Variants in HAND1 observed in about 807,000 individuals in gnomAD.
HAND1 encodes heart- and neural crest derivatives-expressed protein 1.
In HAND1, 10 loss-of-function variants were observed where a neutral mutation model predicts 14.5. The ratio of observed to expected loss-of-function variants is 0.69; its 90% CI spans 0.42 to 1.17. The LOEUF is 1.17. HAND1 is among the 50% of genes most tolerant of loss of function. The pLI is 0.00. For missense variants in HAND1, 299 were observed against 298.4 expected (o/e 1.00, Z -0.01); for synonymous variants, 128 against 127.1 (o/e 1.01, Z -0.05).
In HAND1 at chr5:154,477,619, G is replaced by A. The variant is rs1193145369; in HGVS notation, c.390C>T (p.Leu130=). 3 of 1,614,258 alleles carry A rather than the reference G, an allele frequency of 1.9e-6. No individual in the cohort carries two copies. The highest frequency in any genetic ancestry group is 1.7e-5 in the Admixed American group (1 of 60,036). ...CIPNVPADTK[L]SKIKTLRLAT... ...CTAGGCGCAGAGTCTTGATCTTGGA[G>A]AGCTTGGTGTCGGCCGGCACGTTGG... Residue 130 remains leucine, a synonymous_variant, in exon 1 of 2, where the codon CTC becomes CTT. Coordinates refer to ENST00000231121, the MANE Select transcript of HAND1 (RefSeq NM_004821.3).
At position 154,477,510 on chromosome 5, in the gene HAND1, T is replaced by G. The variant is rs1240546642; in HGVS notation, c.499A>C (p.Lys167Gln). The change falls in exon 1 of 2, where the codon AAG becomes CAG. Residue 167 changes from lysine to glutamine, a missense_variant. Physicochemically the swap from Lys to Gln is moderately conservative, Grantham distance 53. Coordinates refer to ENST00000231121, the MANE Select transcript of HAND1 (RefSeq NM_004821.3). ...GDPEAFKAEL[K>Q]KADGGRESKR... The stretch of plus-strand genomic sequence containing the variant: ...CTCTCACGGCCGCCATCCGCCTTCT[T>G]GAGTTCAGCCTTGAAGGCCTCGGGA... The G allele has an allele frequency of 6.2e-7, 1 of 1,614,140 alleles. No homozygotes were observed. Among genetic ancestry groups the G allele is most frequent in the South Asian group, 1.1e-5 (1 of 91,080 alleles).
Position 154,475,739 on chromosome 5 carries a change from T to A in HAND1, c.*67A>T, listed in dbSNP as rs1757530471. On this transcript the variant is annotated 3_prime_UTR_variant, in exon 2 of 2. Transcript: ENST00000231121. Reference sequence around the variant, plus strand: ...GAGCCCAGAGCCTGGCGTTCGCCGCTGCCTTCCTCTCCTCCCGGGGCTTCA... The same window carrying A: ...GAGCCCAGAGCCTGGCGTTCGCCGCAGCCTTCCTCTCCTCCCGGGGCTTCA... The A allele has an allele frequency of 8.6e-7, 1 of 1,167,884 alleles. No homozygotes were observed. The highest frequency in any genetic ancestry group is 1.3e-6 in the Non-Finnish European group (1 of 776,796). 72.3% of individuals were successfully genotyped at this position (1,167,884 alleles called of 1,614,324 possible). A position where few individuals can be genotyped will look rare whatever the true frequency, so the allele number is the denominator to read the frequency against.
In HAND1 at chr5:154,477,538, G is replaced by T. The variant is rs763611267; in HGVS notation, c.471C>A (p.Gly157=). ...GTTCAGCCTTGAAGGCCTCGGGATC[G>T]CCAGACTGTGCATCCTTGGCCAGCA... ...MDVLAKDAQS[G]DPEAFKAELK... The change falls in exon 1 of 2, where the codon GGC becomes GGA. Residue 157 remains glycine, a synonymous_variant. Transcript: ENST00000231121. 1.2e-6 allele frequency: 2 copies of T among 1,614,184 alleles called. No individual in the cohort carries two copies. Among genetic ancestry groups the T allele is most frequent in the South Asian group, 1.1e-5 (1 of 91,080 alleles).
rs1757532262 is a variant in HAND1 at position 154,475,827 on chromosome 5, C to T, written c.627G>A (p.Trp209Ter). Reference sequence around the variant, plus strand: ...CGGCTCACTGGTTTAACTCCAGCGCCCAGACTTGCTGCGGCCAGCCGGTGC... The same window carrying T: ...CGGCTCACTGGTTTAACTCCAGCGCTCAGACTTGCTGCGGCCAGCCGGTGC... ...KGRTGWPQQV[W>*]ALELNQ The change falls in exon 2 of 2, where the codon TGG becomes TGA. Residue 209 changes from tryptophan (W) to a stop codon, truncating the protein, a stop_gained. Transcript: ENST00000231121. LOFTEE classifies it high-confidence loss of function. The T allele has an allele frequency of 6.2e-7, 1 of 1,613,560 alleles. No individual in the cohort carries two copies. Among genetic ancestry groups the T allele is most frequent in the Non-Finnish European group, 8.5e-7 (1 of 1,179,672 alleles).
At chr5:154,476,494 T>G (rs995819060) in intron 1 of HAND1, among the ~76,000 whole-genome samples, 2 of 152,148 alleles carry the variant, frequency 1.3e-5, no homozygotes, top group African/African-American at 4.8e-5. Flanking sequence ...CAATAACAAC[T>G]TCTTTCGAGG....
chr5:154,476,538 C>A (rs1264556294), intron 1 of HAND1, among the ~76,000 whole-genome samples: 1 of 152,222 alleles, frequency 6.6e-6, no homozygotes, highest in Non-Finnish European at 1.5e-5. Context: ...CCTGCACCAT[C>A]CCCAGTCCGG....
chr5:154,477,798 C>G lies in HAND1; in HGVS notation c.211G>C (p.Ala71Pro). 6.3e-7 allele frequency: 1 copy of G among 1,586,304 alleles called. No individual in the cohort carries two copies. The highest frequency in any genetic ancestry group is 1.1e-5 in the South Asian group (1 of 90,046). ...CCAGGCCTGGCGTCAGGACCATAGGCGGTGGCGGCTGCAGCGGCCGCGGGC... is the reference window on the plus strand; with the variant it reads ...CCAGGCCTGGCGTCAGGACCATAGGGGGTGGCGGCTGCAGCGGCCGCGGGC... Reference protein sequence around the residue: ...PPPAAAAAATAYGPDARPGQS... With the variant: ...PPPAAAAAATPYGPDARPGQS... Residue 71 changes from alanine to proline, a missense_variant, in exon 1 of 2, where the codon GCC (alanine) becomes CCC (proline). By Grantham distance (27) the Ala-to-Pro change is conservative (BLOSUM62 -1). Transcript: ENST00000231121.
rs889395231 is a variant in HAND1, at chr5:154,475,619, A to G, written c.*187T>C. 8.1e-6 allele frequency: 5 copies of G among 614,896 alleles called. No homozygotes were observed. The highest frequency in any genetic ancestry group is 5.6e-5 in the African/African-American group (3 of 53,906). The allele number at this position is 614,896 out of a possible 1,614,324, so 38.1% of individuals were successfully genotyped here. ...TCTCTTAATGTATTAAAAAAAATCA[A>G]AGGACATTGCACGTGCGATCCAAGT... On this transcript the variant is annotated 3_prime_UTR_variant, in exon 2 of 2. Transcript: ENST00000231121.
intron 1 of HAND1, among the ~76,000 whole-genome samples, chr5:154,476,276 A>T (rs1407137779): frequency 2.0e-5 from 3 of 152,124 alleles, no homozygotes; most frequent in Non-Finnish European, 4.4e-5. Context: ...GCTGCACCCC[A>T]CACACTTCCG....
chr5:154,478,089 G>T lies in HAND1; in HGVS notation c.-81C>A. On this transcript the variant is annotated 5_prime_UTR_variant, in exon 1 of 2. Transcript: ENST00000231121. The surrounding 1 kb of genome is among the most constrained non-coding windows in gnomAD (Gnocchi z 4.5). ...CCAGAGACTGCCGGGGGCCACCTGT[G>T]GGCTCTGGAGCCACTACTGGGCGCC... 4 of 1,525,514 alleles carry T rather than the reference G, an allele frequency of 2.6e-6. No homozygotes were observed. The highest frequency in any genetic ancestry group is 3.6e-6 in the Non-Finnish European group (4 of 1,118,762). The allele number at this position is 1,525,514 out of a possible 1,614,324, so 94.5% of individuals were successfully genotyped here.
In HAND1 at chr5:154,477,981, G is replaced by A; in HGVS notation, c.28C>T (p.His10Tyr). The A allele has an allele frequency of 6.3e-7, 1 of 1,598,178 alleles. No homozygotes were observed. Among genetic ancestry groups the A allele is most frequent in the Non-Finnish European group, 8.5e-7 (1 of 1,179,888 alleles). Residue 10 changes from histidine to tyrosine, a missense_variant, in exon 1 of 2, where the codon CAT becomes TAT. Physicochemically the swap from His to Tyr is moderately conservative, Grantham distance 83. Transcript: ENST00000231121. ...GGGTGCGGGTGGTGATGGTGGTGAT[G>A]GTGTGCGTAGCTGCCCACGAGGTTC... The part of the protein sequence containing the change: MNLVGSYAH[H>Y]HHHHHPHPAH...
chr5:154,477,836 G>C lies in HAND1; in HGVS notation c.173C>G (p.Ala58Gly), dbSNP rs201496181. Residue 58 changes from alanine (A) to glycine (G), a missense_variant, in exon 1 of 2, where the codon GCG becomes GGG. Physicochemically the swap from Ala to Gly is moderately conservative, Grantham distance 60. Coordinates refer to ENST00000231121, the MANE Select transcript of HAND1 (RefSeq NM_004821.3). ...SPADAAPDFP[A>G]GGPPPAAAAA... is the part of the protein sequence containing the mutation. ...AGCGGCCGCGGGCGGCGGCCCGCCCGCAGGGAAGTCCGGGGCAGCGTCAGC... is the reference window on the plus strand; with the variant it reads ...AGCGGCCGCGGGCGGCGGCCCGCCCCCAGGGAAGTCCGGGGCAGCGTCAGC... 2 of 1,599,768 alleles carry C rather than the reference G, an allele frequency of 1.3e-6. No individual in the cohort carries two copies. The highest frequency in any genetic ancestry group is 2.2e-5 in the South Asian group (2 of 90,988).
intron 1 of HAND1, 76 bp from the exon 2 acceptor site, chr5:154,475,986 G>T: frequency 9.4e-7 from 1 of 1,067,246 alleles, no homozygotes; most frequent in Non-Finnish European, 1.4e-6. Flanking sequence ...CCCGGCATGG[G>T]GTAAGATGAG....
At chr5:154,477,422 CG>C (rs2113302820) in intron 1 of HAND1, 43 bp downstream of exon 1, 1 of 1,486,450 alleles carries the variant, frequency 6.7e-7, no homozygotes, top group East Asian at 2.3e-5. Flanking sequence ...GGCTGCTCAC[CG>C]CTCCTGCACC....
rs556045294 is a variant in HAND1 at position 154,477,682 on chromosome 5, G to A, written c.327C>T (p.Ser109=). 9 of 1,614,220 alleles carry A rather than the reference G, an allele frequency of 5.6e-6. No homozygotes were observed. In the African/African-American group the frequency reaches 6.7e-5, roughly 12 times the overall value. The change falls in exon 1 of 2, where the codon AGC becomes AGT. Residue 109 remains serine, a synonymous_variant. Coordinates refer to ENST00000231121, the MANE Select transcript of HAND1 (RefSeq NM_004821.3). ...GPKKERRRTE[S]INSAFAELRE... ...GCAACTCCGCGAATGCGCTGTTAAT[G>A]CTCTCAGTGCGTCTCCGCTCCTTCT...
Position 154,477,972 on chromosome 5 carries a change from G to A in HAND1, c.37C>T (p.His13Tyr), listed in dbSNP as rs769999347. ...LVGSYAHHHH[H>Y]HHPHPAHPML... ...GGGTGCGCAGGGTGCGGGTGGTGAT[G>A]GTGGTGATGGTGTGCGTAGCTGCCC... Residue 13 changes from histidine to tyrosine, a missense_variant, in exon 1 of 2, where the codon CAT becomes TAT. By Grantham distance (83) the His-to-Tyr change is moderately conservative. Coordinates refer to ENST00000231121, the MANE Select transcript of HAND1 (RefSeq NM_004821.3). 3.1e-6 allele frequency: 5 copies of A among 1,598,268 alleles called. No individual in the cohort carries two copies. The Admixed American group carries it at 8.3e-5, about 27-fold the overall frequency.
rs1311405094 is a variant in HAND1 at position 154,478,181 on chromosome 5, T to C, written c.-173A>G. 1 of 697,462 alleles carries C rather than the reference T, an allele frequency of 1.4e-6. No homozygotes were observed. Among genetic ancestry groups the C allele is most frequent in the Non-Finnish European group, 2.4e-6 (1 of 421,660 alleles). 43.2% of individuals were successfully genotyped at this position (697,462 alleles called of 1,614,324 possible). ...AGCCCACTGTCTTCTTACCGGTTTC[T>C]GCCGCGGGCGAGGTCGCCGAAGCCC... On this transcript the variant is annotated 5_prime_UTR_variant, in exon 1 of 2. Coordinates refer to ENST00000231121, the MANE Select transcript of HAND1 (RefSeq NM_004821.3). This position sits in a 1 kb window ranked among gnomAD's most constrained non-coding sequence, Gnocchi z 4.5.
chr5:154,475,966 G>C (rs1392957177), intron 1 of HAND1, 56 bp from the exon 2 acceptor site: 1 of 1,362,160 alleles, frequency 7.3e-7, no homozygotes, highest in Non-Finnish European at 1.0e-6. Flanking sequence ...TAATTTTTCT[G>C]CTCCGATCGC....
Position 154,477,657 on chromosome 5 carries a change from G to T in HAND1, c.352C>A (p.Arg118Ser). ...GCCGGCACGTTGGGGATGCACTCGC[G>T]CAACTCCGCGAATGCGCTGTTAATG... ...ESINSAFAEL[R>S]ECIPNVPADT... Residue 118 changes from arginine (R) to serine (S), a missense_variant, in exon 1 of 2, where the codon CGC becomes AGC. Arg to Ser is a moderately radical substitution (Grantham distance 110). Transcript: ENST00000231121. 2 of 1,614,234 alleles carry T rather than the reference G, an allele frequency of 1.2e-6. No homozygotes were observed. Among genetic ancestry groups the T allele is most frequent in the South Asian group, 1.1e-5 (1 of 91,086 alleles).
Sources: gnomAD v4.1 joint callset for allele counts (sites outside exome capture counted in the v4.1 genomes callset) on GRCh38, gnomAD v4.1.1 for gene constraint, Gnocchi (gnomAD v3.1) non-coding constraint, MANE v1.5 for transcripts, NCBI Gene and HGNC (gene_info 2026-07-23, HGNC 2026-07-21) for gene names.